GRHL1: variants seen among roughly 807,000 people sequenced by gnomAD.
GRHL1 encodes grainyhead like transcription factor 1.
GRHL1 carries 38 observed loss-of-function variants against 75.7 expected under a neutral mutation model. The ratio of observed to expected loss-of-function variants is 0.50; its 90% CI spans 0.39 to 0.66. GRHL1 has a LOEUF of 0.66. GRHL1 is among the 30% of genes least tolerant of loss of function. The pLI, the probability that GRHL1 is intolerant of heterozygous loss-of-function variation, is 0.00. For missense variants in GRHL1, 589 were observed against 767.5 expected, an observed-to-expected ratio of 0.77 and a Z score of 2.75; for synonymous variants, 266 against 279.4, an observed-to-expected ratio of 0.95 and a Z score of 0.48.
chr2:9,975,721 CA>C (rs111809546), intron 8 of GRHL1, among the ~76,000 whole-genome samples: 30,752 of 133,874 alleles, frequency 0.23, 3,131 homozygotes, highest in Non-Finnish European at 0.24. Context: ...CTAGTAAATA[CA>C]AAAAAAAAAA....
At chr2:9,952,920 A>G (rs1443641361) in intron 1 of GRHL1, 8 of 436,254 alleles carry the variant, frequency 1.8e-5, no homozygotes, top group African/African-American at 1.4e-4. Context: ...ATGCAGTTAA[A>G]TTATTGCCTG....
chr2:9,953,408 C>T (rs78434172), intron 1 of GRHL1, among the ~76,000 whole-genome samples: 11,984 of 152,268 alleles, frequency 0.079, 580 homozygotes, highest in East Asian at 0.12. Context: ...TCAGGGAATG[C>T]CACTTTGTAT....
In GRHL1 at chr2:9,961,279, C is replaced by T; in HGVS notation, c.512C>T (p.Pro171Leu). The stretch of plus-strand genomic sequence containing the variant: ...CCACATGGCTTCGCTGTGGGAATCC[C>T]CCCAGCAGTGTATCATCCTGAGCCC... ...TQPHGFAVGIPPAVYHPEPTE... is the reference protein window; with the variant it reads ...TQPHGFAVGILPAVYHPEPTE... Residue 171 changes from proline to leucine, a missense_variant, in exon 4 of 16, where the codon CCC becomes CTC. Physicochemically the swap from Pro to Leu is moderately conservative, Grantham distance 98. This residue lies in a region of GRHL1 where 362 missense variants were observed against 461.8 expected (regional missense o/e 0.78). Transcript: ENST00000324907. 6.2e-7 allele frequency: 1 copy of T among 1,614,196 alleles called. No individual in the cohort carries two copies. The highest frequency in any genetic ancestry group is 1.1e-5 in the South Asian group (1 of 91,074).
chr2:9,953,720 A>G (rs1436176469), intron 1 of GRHL1, among the ~76,000 whole-genome samples: 1 of 151,992 alleles, frequency 6.6e-6, no homozygotes, highest in Non-Finnish European at 1.5e-5. Context: ...CCCAAACGCT[A>G]ACCTTTGTTG....
intron 2 of GRHL1, among the ~76,000 whole-genome samples, chr2:9,956,907 C>T (rs937818380): frequency 6.6e-6 from 1 of 152,088 alleles, no homozygotes; most frequent in Non-Finnish European, 1.5e-5. Context: ...GCATGTAAAT[C>T]CTCATGTCTG....
At chr2:9,956,093 A>G (rs919113577) in intron 2 of GRHL1, among the ~76,000 whole-genome samples, 1 of 152,208 alleles carries the variant, frequency 6.6e-6, no homozygotes, top group Non-Finnish European at 1.5e-5. Flanking sequence ...TGTAGTGTAT[A>G]TTTTTTACAG....
At chr2:9,961,015 C>A in intron 3 of GRHL1, 31 bp from the exon 4 acceptor site, 1 of 1,501,324 alleles carries the variant, frequency 6.7e-7, no homozygotes, top group South Asian at 1.3e-5. Context: ...ACATCAGCAT[C>A]GCGTTTGAAA....
At chr2:9,974,297 C>T (rs562009791) in intron 8 of GRHL1, among the ~76,000 whole-genome samples, 3 of 152,328 alleles carry the variant, frequency 2.0e-5, no homozygotes, top group South Asian at 2.1e-4. Flanking sequence ...GTGATATTCT[C>T]GTGAAAGGTG....
chr2:9,969,388 C>G (rs1358856648), intron 8 of GRHL1, among the ~76,000 whole-genome samples: 1 of 152,150 alleles, frequency 6.6e-6, no homozygotes, highest in Non-Finnish European at 1.5e-5. Context: ...CTTGGACATC[C>G]AAATGAGGCC....
Position 9,990,653 on chromosome 2 carries a change from G to C in GRHL1, c.1270-43G>C. On this transcript the variant is annotated intron_variant, in intron 9 of 15. Coordinates refer to ENST00000324907, the MANE Select transcript of GRHL1 (RefSeq NM_198182.3). The surrounding 1 kb of genome is among the most constrained non-coding windows in gnomAD (Gnocchi z 4.2). ...GATAAGAGTTAAATATTTTAAAGAA[G>C]ATTGGAAAACAGAATCATATCTTGT... 7.8e-7 allele frequency: 1 copy of C among 1,284,614 alleles called. No individual in the cohort carries two copies. Among genetic ancestry groups the C allele is most frequent in the Non-Finnish European group, 1.1e-6 (1 of 904,334 alleles). 79.6% of individuals were successfully genotyped at this position (1,284,614 alleles called of 1,614,324 possible).
Position 9,972,009 on chromosome 2 carries a change from C to T in GRHL1, c.1110+6628C>T, listed in dbSNP as rs960711814. Among the ~76,000 whole-genome samples the T allele has an allele frequency of 2.6e-5, 4 of 152,034 alleles. No individual in the cohort carries two copies. In the East Asian group the frequency reaches 7.7e-4, roughly 29 times the overall value. On this transcript the variant is annotated intron_variant, in intron 8 of 15. Coordinates refer to ENST00000324907, the MANE Select transcript of GRHL1 (RefSeq NM_198182.3). The stretch of plus-strand genomic sequence containing the variant: ...ACTTGGAATCCACAGGTAACAGAAG[C>T]GTACATTTGTCATCGCGCAGGCCGG...
chr2:9,960,804 A>C lies in GRHL1; in HGVS notation c.279-242A>C, dbSNP rs185025793. ...AGGATTATGGAAAGTAAAGCTTGTT[A>C]GAGGAGAGCTCTGAGCCCTTAGTAT... On this transcript the variant is annotated intron_variant, in intron 3 of 15. Transcript: ENST00000324907. The C allele has an allele frequency of 1.2e-4, 52 of 449,758 alleles. No homozygotes were observed. In the East Asian group the frequency reaches 1.8e-3, roughly 15 times the overall value. The allele number at this position is 449,758 out of a possible 1,614,324, so 27.9% of individuals were successfully genotyped here.
chr2:9,951,865 G>T lies in GRHL1; in HGVS notation c.20+12G>T, dbSNP rs987086844. On this transcript the variant is annotated intron_variant, in intron 1 of 15. Coordinates refer to ENST00000324907, the MANE Select transcript of GRHL1 (RefSeq NM_198182.3). This position sits in a 1 kb window ranked among gnomAD's most constrained non-coding sequence, Gnocchi z 4.2. ...CAGGAGTACGACAAGTGAGTGAGGC[G>T]CAGGAGTCCGGCCGCCGCGGGGGGG... 2 of 1,469,190 alleles carry T rather than the reference G, an allele frequency of 1.4e-6. No individual in the cohort carries two copies. The highest frequency in any genetic ancestry group is 2.1e-5 in the Admixed American group (1 of 46,788). 91.0% of individuals were successfully genotyped at this position (1,469,190 alleles called of 1,614,324 possible). A position where few individuals can be genotyped will look rare whatever the true frequency, so the allele number is the denominator to read the frequency against.
rs1259334126 is a variant in GRHL1 at position 10,002,016 on chromosome 2, CAA to C, written c.*1311_*1312del. On this transcript the variant is annotated 3_prime_UTR_variant, in exon 16 of 16. Coordinates refer to ENST00000324907, the MANE Select transcript of GRHL1 (RefSeq NM_198182.3). ...AATACTAAAATATGTAATTTTATAA[CAA>C]AGTCACGGGTATCTTTAGGTTCAGG... The C allele has an allele frequency of 6.6e-6, 1 of 152,520 alleles. No individual in the cohort carries two copies. The highest frequency in any genetic ancestry group is 1.5e-5 in the Non-Finnish European group (1 of 68,016). 9.4% of individuals were successfully genotyped at this position (152,520 alleles called of 1,614,324 possible).
At position 9,996,865 on chromosome 2, in the gene GRHL1, C is replaced by T. The variant is rs191065674; in HGVS notation, c.1677+464C>T. ...AAGTAGACGTGTAACCAGTGATGGC[C>T]GTAAGTCCATCTTACGAGGATCTCA... On this transcript the variant is annotated intron_variant, in intron 14 of 15. Transcript: ENST00000324907. Among the ~76,000 whole-genome samples the T allele has an allele frequency of 9.2e-5, 14 of 152,276 alleles. No individual in the cohort carries two copies. In the East Asian group the frequency reaches 1.2e-3, roughly 13 times the overall value.
chr2:9,961,578 G>T (rs1397344810), intron 4 of GRHL1, 142 bp downstream of exon 4: 4 of 694,308 alleles, frequency 5.8e-6, no homozygotes, highest in Admixed American at 3.0e-5. Context: ...AAGAGAAAAG[G>T]CCCATGGGTA....
At chr2:9,966,732 T>C (rs996588416) in intron 8 of GRHL1, among the ~76,000 whole-genome samples, 2 of 152,216 alleles carry the variant, frequency 1.3e-5, no homozygotes, top group East Asian at 1.9e-4. Flanking sequence ...TTATAATTGC[T>C]TTTCTTTCTT....
chr2:9,953,345 A>G (rs920035781), intron 1 of GRHL1, among the ~76,000 whole-genome samples: 2 of 152,248 alleles, frequency 1.3e-5, no homozygotes, highest in African/African-American at 4.8e-5. Context: ...ACATCAGTCA[A>G]TCAGTCCATG....
chr2:9,973,166 C>T (rs1399623772), intron 8 of GRHL1, among the ~76,000 whole-genome samples: 2 of 152,264 alleles, frequency 1.3e-5, no homozygotes, highest in East Asian at 1.9e-4. Flanking sequence ...TGCTGGCTGC[C>T]GCTGAAAGTC....
Sources: gnomAD v4.1 joint callset for allele counts (sites outside exome capture counted in the v4.1 genomes callset) on GRCh38, gnomAD v4.1.1 for gene constraint, gnomAD v4.1.1 regional missense constraint, Gnocchi (gnomAD v3.1) non-coding constraint, MANE v1.5 for transcripts, NCBI Gene and HGNC (gene_info 2026-07-23, HGNC 2026-07-21) for gene names.